The following UBAC2 variants were observed in gnomAD, a reference collection of about 807,000 sequenced individuals.
The protein encoded by UBAC2 is ubiquitin-associated domain-containing protein 2.
Under a neutral mutation model 44.0 loss-of-function variants are expected in UBAC2, and 26 were observed. The ratio of observed to expected loss-of-function variants is 0.59; its 90% confidence interval spans 0.43 to 0.82. The LOEUF is 0.82. Among genes scored for constraint, UBAC2 ranks in the 40% least tolerant of loss-of-function variants. The pLI, the probability that UBAC2 is intolerant of heterozygous loss-of-function variation, is 0.00. For synonymous variants in UBAC2, 155 were observed against 154.3 expected (o/e 1.00, Z -0.04); for missense variants, 329 against 419.4 (o/e 0.78, Z 1.88).
intron 7 of UBAC2, among the ~76,000 whole-genome samples, chr13:99,341,912 G>T (rs1335360919): frequency 6.6e-6 from 1 of 152,200 alleles, no homozygotes; most frequent in Non-Finnish European, 1.5e-5. Context: ...TTAGATAGAT[G>T]ACTGATAGTT....
chr13:99,362,589 C>T (rs544552953), intron 7 of UBAC2, among the ~76,000 whole-genome samples: 1 of 152,330 alleles, frequency 6.6e-6, no homozygotes, highest in East Asian at 1.9e-4. Context: ...ATTTGCCTTT[C>T]CCTAACACTA....
At chr13:99,373,829 A>G (rs950653005) in intron 8 of UBAC2, among the ~76,000 whole-genome samples, 2 of 152,184 alleles carry the variant, frequency 1.3e-5, no homozygotes, top group African/African-American at 4.8e-5. Flanking sequence ...TCTAGACACC[A>G]AGGAACCATG....
rs183656145 is a variant in UBAC2, at chr13:99,368,755, C to T, written c.927+849C>T. Among the ~76,000 whole-genome samples the T allele has an allele frequency of 1.9e-3, 286 of 150,312 alleles. 2 individuals are homozygous for T. Among genetic ancestry groups the T allele is most frequent in the Non-Finnish European group, 1.7e-3 (115 of 67,620 alleles). On this transcript the variant is annotated intron_variant, in intron 8 of 8. Coordinates refer to ENST00000403766, the MANE Select transcript of UBAC2 (RefSeq NM_001144072.2). ...CATACCCTCACTCTGACCGAGAGGGCTCAGAAGCAGTGGCCTCCTGGTAGC... is the reference window on the plus strand; with the variant it reads ...CATACCCTCACTCTGACCGAGAGGGTTCAGAAGCAGTGGCCTCCTGGTAGC...
chr13:99,286,514 CT>C (rs1361227623), intron 4 of UBAC2, among the ~76,000 whole-genome samples: 1 of 151,832 alleles, frequency 6.6e-6, no homozygotes. Flanking sequence ...TTTTTTCCCA[CT>C]TTTAGGTTCG....
At chr13:99,250,484 A>G (rs951291159) in intron 4 of UBAC2, among the ~76,000 whole-genome samples, 1 of 152,180 alleles carries the variant, frequency 6.6e-6, no homozygotes, top group Non-Finnish European at 1.5e-5. Context: ...GAAGTCAGGT[A>G]ATGTGATGCC....
In UBAC2 at chr13:99,315,206, CT is replaced by C. The variant is rs67072178; in HGVS notation, c.513+987del. ...CAACCCCCGTACCGTTACACGCCCC[CT>C]GATCCTACCTGATATCCATGTAACC... is the stretch of plus-strand genomic sequence containing the variant. On this transcript the variant is annotated intron_variant, in intron 5 of 8. Transcript: ENST00000403766. Among the ~76,000 whole-genome samples, 1,270 of 152,324 alleles carry C rather than the reference CT, an allele frequency of 8.3e-3. 13 individuals are homozygous for C. The highest frequency in any genetic ancestry group is 0.016 in the South Asian group (77 of 4,828).
intron 4 of UBAC2, among the ~76,000 whole-genome samples, chr13:99,280,816 T>A (rs2043943273): frequency 6.8e-6 from 1 of 146,376 alleles, no homozygotes; most frequent in Admixed American, 7.0e-5. Flanking sequence ...CCCTTCTTCC[T>A]TCCTTCTTCT....
intron 8 of UBAC2, among the ~76,000 whole-genome samples, chr13:99,379,550 A>G (rs1453289097): frequency 6.6e-6 from 1 of 152,180 alleles, no homozygotes; most frequent in Non-Finnish European, 1.5e-5. Flanking sequence ...TTCCTGACCC[A>G]CATAGCATTA....
At chr13:99,305,875 A>G (rs1318923689) in intron 4 of UBAC2, among the ~76,000 whole-genome samples, 2 of 151,868 alleles carry the variant, frequency 1.3e-5, no homozygotes, top group African/African-American at 2.4e-5. Context: ...GATCATCCAT[A>G]GACTCAGGGC....
In UBAC2 at chr13:99,205,858, G is replaced by A. The variant is rs955123775; in HGVS notation, c.31+4919G>A. 12 of 160,524 alleles carry A rather than the reference G, an allele frequency of 7.5e-5. No individual in the cohort carries two copies. The East Asian group carries it at 1.8e-3, about 24-fold the overall frequency. The allele number at this position is 160,524 out of a possible 1,614,324, so 9.9% of individuals were successfully genotyped here. On this transcript the variant is annotated intron_variant, in intron 1 of 8. Coordinates refer to ENST00000403766, the MANE Select transcript of UBAC2 (RefSeq NM_001144072.2). ...AGCTGCGTGCTCGGTCGAAGAGGAC[G>A]ACCATCCCCGATAGAGGAGGACCGG...
intron 6 of UBAC2, among the ~76,000 whole-genome samples, chr13:99,332,910 A>AAAGCC (rs1340983149): frequency 4.5e-4 from 68 of 151,012 alleles, no homozygotes; most frequent in African/African-American, 1.5e-3. Context: ...CAGAGGGTCT[A>AAAGCC]TGGATTTCAA....
At chr13:99,279,059 A>G (rs916551678) in intron 4 of UBAC2, among the ~76,000 whole-genome samples, 1 of 152,116 alleles carries the variant, frequency 6.6e-6, no homozygotes, top group African/African-American at 2.4e-5. Flanking sequence ...TGTGTAGCCA[A>G]AGCCTTTGGA....
chr13:99,305,365 C>T (rs551809256), intron 4 of UBAC2, among the ~76,000 whole-genome samples: 3 of 151,718 alleles, frequency 2.0e-5, no homozygotes, highest in Admixed American at 6.5e-5. Context: ...GAGAACACCA[C>T]GCGTCCTCTA....
chr13:99,327,783 CTATT>C (rs1566504695), intron 6 of UBAC2, among the ~76,000 whole-genome samples: 3 of 152,088 alleles, frequency 2.0e-5, no homozygotes, highest in Non-Finnish European at 4.4e-5. Flanking sequence ...ATTTATGTAT[CTATT>C]TGAGATCTTT....
Position 99,228,932 on chromosome 13 carries a change from T to C in UBAC2, c.32-9495T>C, listed in dbSNP as rs376264097. Reference sequence around the variant, plus strand: ...GCTTAGACAAGTACAATAACCACAGTGTCAACTGTAACTGGTAAATTCGCC... The same window carrying C: ...GCTTAGACAAGTACAATAACCACAGCGTCAACTGTAACTGGTAAATTCGCC... On this transcript the variant is annotated intron_variant, in intron 1 of 8. Transcript: ENST00000403766. Among the ~76,000 whole-genome samples the C allele has an allele frequency of 9.2e-5, 14 of 152,344 alleles. No homozygotes were observed. The East Asian group carries it at 1.7e-3, about 19-fold the overall frequency.
chr13:99,300,130 G>T (rs1430228328), intron 4 of UBAC2, among the ~76,000 whole-genome samples: 16 of 152,202 alleles, frequency 1.1e-4, no homozygotes, highest in African/African-American at 3.9e-4. Context: ...AAGGGCAGGG[G>T]GTGCCCACTT....
intron 4 of UBAC2, among the ~76,000 whole-genome samples, chr13:99,285,627 A>G (rs1231109608): frequency 2.0e-5 from 3 of 152,078 alleles, no homozygotes; most frequent in East Asian, 3.9e-4. Flanking sequence ...CCTGGCCTCA[A>G]GTGACCCTCC....
chr13:99,295,804 G>A lies in UBAC2; in HGVS notation c.390-18293G>A, dbSNP rs2044162384. 6.2e-7 allele frequency: 1 copy of A among 1,612,140 alleles called. No individual in the cohort carries two copies. The highest frequency in any genetic ancestry group is 2.2e-5 in the East Asian group (1 of 44,866). On this transcript the variant is annotated intron_variant, in intron 4 of 8. Transcript: ENST00000403766. This position sits in a 1 kb window ranked among gnomAD's most constrained non-coding sequence, Gnocchi z 4.1. ...TCATAAAGTTCACACCTGCATATGT[G>A]TTGATGTAAAACACTAGCGCAGTTA...
intron 5 of UBAC2, among the ~76,000 whole-genome samples, 195 bp from the exon 6 acceptor site, chr13:99,317,827 A>G (rs2044513260): frequency 6.6e-6 from 1 of 152,176 alleles, no homozygotes; most frequent in Non-Finnish European, 1.5e-5. Flanking sequence ...CTGATGTCTG[A>G]ATAAAAAAAA....
Sources: gnomAD v4.1 joint callset for allele counts (sites outside exome capture counted in the v4.1 genomes callset) on GRCh38, gnomAD v4.1.1 for gene constraint, Gnocchi (gnomAD v3.1) non-coding constraint, MANE v1.5 for transcripts, NCBI Gene and HGNC (gene_info 2026-07-23, HGNC 2026-07-21) for gene names.